ARAP2: variants seen among roughly 807,000 people sequenced by gnomAD.
ARAP2 encodes the protein ArfGAP with RhoGAP domain, ankyrin repeat and PH domain 2.
In ARAP2, 148 loss-of-function variants were observed where a neutral mutation model predicts 194.5. That is an observed-to-expected ratio of 0.76 (90% CI 0.67 to 0.87). ARAP2 has a LOEUF of 0.87. ARAP2 is among the 40% of genes least tolerant of loss of function. The pLI, the probability that ARAP2 is intolerant of heterozygous loss-of-function variation, is 0.00. For synonymous variants in ARAP2, 695 were observed against 683.5 expected, an observed-to-expected ratio of 1.02 and a Z score of -0.26; for missense variants, 2,128 against 1,989.7, an observed-to-expected ratio of 1.07 and a Z score of -1.32.
chr4:36,125,090 T>C, intron 21 of ARAP2, 123 bp from the exon 22 acceptor site: 1 of 581,554 alleles, frequency 1.7e-6, no homozygotes, highest in Non-Finnish European at 3.0e-6. Flanking sequence ...ACAATCAGGT[T>C]TCAGTAGACA....
chr4:36,207,778 G>C (rs75729854), intron 6 of ARAP2, among the ~76,000 whole-genome samples: 8 of 151,298 alleles, frequency 5.3e-5, no homozygotes, highest in African/African-American at 1.2e-4. Context: ...GGAAACAATT[G>C]TTAAAAAAAA....
chr4:36,031,725 A>C (rs1213945106), intron 5 of ARAP2, among the ~76,000 whole-genome samples: 1 of 151,204 alleles, frequency 6.6e-6, no homozygotes, highest in Non-Finnish European at 1.5e-5. Context: ...CTGGAGTGCA[A>C]TGGCATGATC....
downstream of ARAP2, among the ~76,000 whole-genome samples, chr4:36,061,114 T>C (rs751563454): frequency 2.6e-5 from 4 of 152,200 alleles, no homozygotes; most frequent in Non-Finnish European, 5.9e-5. Context: ...TATACACTTA[T>C]GGGGTATATG....
rs112774342 is a variant in ARAP2, at chr4:36,103,917, G to A, written c.4285+3648C>T. Among the ~76,000 whole-genome samples, 21 of 151,896 alleles carry A rather than the reference G, an allele frequency of 1.4e-4. No homozygotes were observed. In the East Asian group the frequency reaches 1.6e-3, roughly 11 times the overall value. ...CAAATTTTTTATATAACATTCTCGC[G>A]TTAAAAGGAAGTGGTGAAAACATAA... On this transcript the variant is annotated intron_variant, in intron 27 of 32. Coordinates refer to ENST00000303965, the MANE Select transcript of ARAP2 (RefSeq NM_015230.4).
rs545630302 is a variant in ARAP2, at chr4:36,169,600, G to A, written c.1858-2553C>T. Among the ~76,000 whole-genome samples the A allele has an allele frequency of 1.0e-4, 15 of 150,050 alleles. No homozygotes were observed. The East Asian group carries it at 2.5e-3, about 25-fold the overall frequency. Reference sequence around the variant, plus strand: ...GGCTAGAGTGCAATGGCACGATCTCGGCTCACTGCAACCTCGGCCCCCCCA... The same window carrying A: ...GGCTAGAGTGCAATGGCACGATCTCAGCTCACTGCAACCTCGGCCCCCCCA... On this transcript the variant is annotated intron_variant, in intron 9 of 32. Transcript: ENST00000303965.
chr4:36,009,550 C>T (rs1292268346), intron 9 of ARAP2, among the ~76,000 whole-genome samples: 1 of 152,014 alleles, frequency 6.6e-6, no homozygotes, highest in Non-Finnish European at 1.5e-5. Flanking sequence ...GGATTGGATA[C>T]TATGTTCACT....
chr4:36,105,684 C>T (rs1718209990), intron 27 of ARAP2, among the ~76,000 whole-genome samples: 1 of 151,958 alleles, frequency 6.6e-6, no homozygotes, highest in African/African-American at 2.4e-5. Context: ...CAATCTACAC[C>T]TTGTTGGGTT....
chr4:36,168,114 C>G (rs752651796), intron 9 of ARAP2, among the ~76,000 whole-genome samples: 2 of 152,020 alleles, frequency 1.3e-5, no homozygotes, highest in African/African-American at 2.4e-5. Context: ...CTGCTATATA[C>G]GCCAAAAGTA....
chr4:36,149,983 A>C lies in ARAP2; in HGVS notation c.2897+917T>G, dbSNP rs1029371840. Among the ~76,000 whole-genome samples, 3 of 152,304 alleles carry C rather than the reference A, an allele frequency of 2.0e-5. No homozygotes were observed. The East Asian group carries it at 5.8e-4, about 29-fold the overall frequency. On this transcript the variant is annotated intron_variant, in intron 16 of 32. Coordinates refer to ENST00000303965, the MANE Select transcript of ARAP2 (RefSeq NM_015230.4). Reference sequence around the variant, plus strand: ...TGTTTTTCATTAATTACATCAAAAAACATGATAAGACACTTTCACACCAAA... The same window carrying C: ...TGTTTTTCATTAATTACATCAAAAACCATGATAAGACACTTTCACACCAAA...
At chr4:36,082,847 C>G (rs940607337) in intron 29 of ARAP2, among the ~76,000 whole-genome samples, 2 of 152,100 alleles carry the variant, frequency 1.3e-5, no homozygotes, top group Non-Finnish European at 2.9e-5. Context: ...TAAAGAGGCA[C>G]GCAATCTGTA....
chr4:36,061,185 T>A (rs558800831), downstream of ARAP2, among the ~76,000 whole-genome samples: 1 of 152,298 alleles, frequency 6.6e-6, no homozygotes, highest in African/African-American at 2.4e-5. Context: ...GGGTTATCCA[T>A]CCCCTCAAGT....
rs1354373297 is a variant in ARAP2, at chr4:36,082,728, T to C, written c.4509-442A>G. Among the ~76,000 whole-genome samples the C allele has an allele frequency of 2.6e-5, 4 of 152,158 alleles. No homozygotes were observed. In the East Asian group the frequency reaches 5.8e-4, roughly 22 times the overall value. On this transcript the variant is annotated intron_variant, in intron 29 of 32. Coordinates refer to ENST00000303965, the MANE Select transcript of ARAP2 (RefSeq NM_015230.4). ...GCAAAATCTCAGAAGCAAGCACATA[T>C]AAATGATGTTCATGATACTAAGTAT...
In ARAP2 at chr4:36,210,446, A is replaced by G. The variant is rs1293078406; in HGVS notation, c.1431T>C (p.Tyr477=). Residue 477 remains tyrosine, a synonymous_variant, in exon 6 of 33, where the codon TAT becomes TAC. Coordinates refer to ENST00000303965, the MANE Select transcript of ARAP2 (RefSeq NM_015230.4). ...SQAISPYACF[Y]GASAKKVKSG... ...ATTTAACCTTCTTTGCAGATGCTCC[A>G]TAAAAGCAGGCATAGGGAGATATTG... The G allele has an allele frequency of 7.4e-6, 12 of 1,613,720 alleles. No individual in the cohort carries two copies. Among genetic ancestry groups the G allele is most frequent in the South Asian group, 1.1e-5 (1 of 91,050 alleles).
intron 22 of ARAP2, among the ~76,000 whole-genome samples, chr4:36,123,373 A>T (rs1210789556): frequency 6.6e-6 from 1 of 151,708 alleles, no homozygotes; most frequent in African/African-American, 2.4e-5. Context: ...TTTACTTCTC[A>T]ATCTTTTAAG....
chr4:36,187,600 A>G lies in ARAP2; in HGVS notation c.1558-29T>C, dbSNP rs764662166. On this transcript the variant is annotated intron_variant, in intron 7 of 32. Coordinates refer to ENST00000303965, the MANE Select transcript of ARAP2 (RefSeq NM_015230.4). ...TATTGGTTAGAAAAAAAGAGAAGAC[A>G]TATGAAAACGAAATTCTCTTGATCT... 8 of 1,515,506 alleles carry G rather than the reference A, an allele frequency of 5.3e-6. No homozygotes were observed. In the South Asian group the frequency reaches 1.1e-4, roughly 21 times the overall value. 93.9% of individuals were successfully genotyped at this position (1,515,506 alleles called of 1,614,324 possible). A position where few individuals can be genotyped will look rare whatever the true frequency, so the allele number is the denominator to read the frequency against.
intron 1 of ARAP2, among the ~76,000 whole-genome samples, chr4:36,232,870 G>GT (rs941934429): frequency 6.6e-6 from 1 of 152,138 alleles, no homozygotes; most frequent in African/African-American, 2.4e-5. Flanking sequence ...TATTGTATTA[G>GT]TTTTTTGCTA....
intron 15 of ARAP2, among the ~76,000 whole-genome samples, chr4:36,151,899 T>A (rs1224387582): frequency 6.6e-6 from 1 of 152,200 alleles, no homozygotes; most frequent in Admixed American, 6.5e-5. Context: ...GGGTAAAATG[T>A]ATATGAGAAT....
At chr4:36,007,159 T>TCAAAG (rs1449074979) in intron 9 of ARAP2, 1 of 152,208 alleles carries the variant, frequency 6.6e-6, no homozygotes, top group Non-Finnish European at 1.5e-5. Flanking sequence ...GTAAAATGTA[T>TCAAAG]TTAGCTTGAT....
chr4:36,161,146 A>AACACACACACACACACAC (rs36207295), intron 12 of ARAP2, among the ~76,000 whole-genome samples: 1 of 147,888 alleles, frequency 6.8e-6, no homozygotes, highest in African/African-American at 2.5e-5. Context: ...CACACACACA[A>AACACACACACACACACAC]ACACACACAC....
Sources: allele counts gnomAD v4.1 joint callset (sites outside exome capture counted in the v4.1 genomes callset), GRCh38; gene constraint gnomAD v4.1.1; transcripts MANE v1.5; gene names NCBI Gene and HGNC (gene_info 2026-07-23, HGNC 2026-07-21).